The following RAPGEF6 variants were observed in gnomAD, a reference collection of about 807,000 sequenced individuals.
The protein encoded by RAPGEF6 is Rap guanine nucleotide exchange factor 6, also known as PDZ domain containing guanine nucleotide exchange factor (GEF) 2.
In RAPGEF6, 56 loss-of-function variants were observed where a neutral mutation model predicts 171.4. The observed-to-expected ratio is 0.33, with a 90% CI of 0.26 to 0.41. The LOEUF is 0.41. Ranked by LOEUF, RAPGEF6 falls within the 10% of genes least tolerant of loss-of-function variation. The probability of loss-of-function intolerance (pLI) is 1.00; values close to 1 mark genes in which losing one functional copy is unlikely to be tolerated. For missense variants in RAPGEF6, 1,674 were observed against 1,921.4 expected (o/e 0.87, Z 2.41); for synonymous variants, 692 against 650.1 (o/e 1.06, Z -0.98).
intron 7 of RAPGEF6, among the ~76,000 whole-genome samples, chr5:131,514,050 C>T (rs1191952032): frequency 6.6e-6 from 1 of 151,974 alleles, no homozygotes; most frequent in Non-Finnish European, 1.5e-5. Context: ...CAAAACCCCC[C>T]AAAAACCACA....
chr5:131,531,652 T>TTTGTAAAATAGCACAATTCAA (rs1402092237), intron 6 of RAPGEF6, among the ~76,000 whole-genome samples: 2 of 152,210 alleles, frequency 1.3e-5, no homozygotes, highest in African/African-American at 2.4e-5. Flanking sequence ...TCAACTAATC[T>TTTGTAAAATAGCACAATTCAA]TTGTAAAATA....
chr5:131,564,789 G>A (rs752936782), intron 4 of RAPGEF6, among the ~76,000 whole-genome samples: 2 of 152,084 alleles, frequency 1.3e-5, no homozygotes, highest in Non-Finnish European at 2.9e-5. Flanking sequence ...CGATAAATAC[G>A]AACACAACAG....
chr5:131,435,729 T>C, intron 24 of RAPGEF6: 1 of 855,646 alleles, frequency 1.2e-6, no homozygotes. Context: ...CAGATCCAGC[T>C]AACAGTAGGA....
chr5:131,621,417 G>A (rs1765585695), intron 1 of RAPGEF6, among the ~76,000 whole-genome samples: 1 of 151,826 alleles, frequency 6.6e-6, no homozygotes, highest in East Asian at 1.9e-4. Flanking sequence ...AGCCTCCTGA[G>A]TAGCTGGCAT....
chr5:131,429,211 A>T lies in RAPGEF6; in HGVS notation c.4471T>A (p.Cys1491Ser), dbSNP rs752837398. 1.0e-4 allele frequency: 163 copies of T among 1,579,026 alleles called. No homozygotes were observed. The highest frequency in any genetic ancestry group is 3.2e-4 in the South Asian group (28 of 87,120). ...SSTEKGLIVY[C>S]VTSPKKDDRY... The stretch of plus-strand genomic sequence containing the variant: ...TCGTCCTTCTTGGGTGAGGTGACAC[A>T]GTACACTGGCATGAAAAATAAGCAA... Residue 1491 changes from cysteine (C) to serine (S), a missense_variant, in exon 27 of 28, where the codon TGT becomes AGT. Coordinates refer to ENST00000509018, the MANE Select transcript of RAPGEF6 (RefSeq NM_016340.6).
At chr5:131,623,135 T>C (rs886386476) in intron 1 of RAPGEF6, among the ~76,000 whole-genome samples, 3 of 152,216 alleles carry the variant, frequency 2.0e-5, no homozygotes, top group South Asian at 4.1e-4. Flanking sequence ...GCATGAAAAT[T>C]TGCCCAGACG....
chr5:131,492,324 C>A (rs188341982), intron 14 of RAPGEF6, among the ~76,000 whole-genome samples: 1 of 152,220 alleles, frequency 6.6e-6, no homozygotes, highest in East Asian at 1.9e-4. Context: ...GATAGGCAGG[C>A]CCATTCAAAG....
chr5:131,502,237 G>A (rs1757070792), intron 11 of RAPGEF6, among the ~76,000 whole-genome samples: 1 of 152,180 alleles, frequency 6.6e-6, no homozygotes, highest in African/African-American at 2.4e-5. Context: ...ATAAATGCAT[G>A]AGAAATTATT....
intron 17 of RAPGEF6, chr5:131,472,228 C>T (rs569661475): frequency 4.1e-4 from 135 of 326,938 alleles, no homozygotes; most frequent in Non-Finnish European, 9.1e-5. Flanking sequence ...CCCACCATCA[C>T]GTCTGGCTAA....
Position 131,492,779 on chromosome 5 carries a change from T to C in RAPGEF6, c.1534A>G (p.Asn512Asp). The C allele has an allele frequency of 6.2e-7, 1 of 1,611,522 alleles. No individual in the cohort carries two copies. Among genetic ancestry groups the C allele is most frequent in the East Asian group, 2.2e-5 (1 of 44,874 alleles). ...FEKNLEDTKMNGHLRLLNIAC... is the reference protein window; with the variant it reads ...FEKNLEDTKMDGHLRLLNIAC... ...ATATTCAATAACCGGAGATGACCAT[T>C]CATCTTCTGTTAAGCAGAAAAGGAT... Residue 512 changes from asparagine (N) to aspartate (D), a missense_variant, in exon 14 of 28, where the codon AAT (asparagine) becomes GAT (aspartate). Asn to Asp is a conservative substitution (Grantham distance 23). Around this residue, in one of 3 missense-constraint regions of RAPGEF6, gnomAD observed 1,116 missense variants for 1,321.5 expected, o/e 0.84. Coordinates refer to ENST00000509018, the MANE Select transcript of RAPGEF6 (RefSeq NM_016340.6).
chr5:131,437,561 G>C (rs1752092495), intron 24 of RAPGEF6, among the ~76,000 whole-genome samples: 1 of 152,320 alleles, frequency 6.6e-6, no homozygotes, highest in East Asian at 1.9e-4. Context: ...TCTGGTAAGG[G>C]GCGCATTGGA....
At position 131,476,206 on chromosome 5, in the gene RAPGEF6, A is replaced by C. The variant is rs571021505; in HGVS notation, c.2081+3307T>G. On this transcript the variant is annotated intron_variant, in intron 16 of 27. Coordinates refer to ENST00000509018, the MANE Select transcript of RAPGEF6 (RefSeq NM_016340.6). Reference sequence around the variant, plus strand: ...TAGGGTGCTCCAACTTTTAGTGTAGATAAAACAACTTGGAGCATCTATATA... The same window carrying C: ...TAGGGTGCTCCAACTTTTAGTGTAGCTAAAACAACTTGGAGCATCTATATA... 2.0e-5 allele frequency among the ~76,000 whole-genome samples: 3 copies of C among 152,322 alleles called. No homozygotes were observed. In the South Asian group the frequency reaches 6.2e-4, roughly 32 times the overall value.
At chr5:131,588,794 C>G (rs1319580469) in intron 4 of RAPGEF6, among the ~76,000 whole-genome samples, 1 of 151,500 alleles carries the variant, frequency 6.6e-6, no homozygotes, top group Non-Finnish European at 1.5e-5. Context: ...GGAAAACAGC[C>G]AGGCGAGGTG....
At chr5:131,473,478 AC>A (rs1213193172) in intron 16 of RAPGEF6, among the ~76,000 whole-genome samples, 1 of 152,304 alleles carries the variant, frequency 6.6e-6, no homozygotes, top group South Asian at 2.1e-4. Context: ...GGTTTTAGAT[AC>A]CCCCAAATTT....
chr5:131,443,031 G>C (rs1032772594), intron 22 of RAPGEF6, among the ~76,000 whole-genome samples: 4 of 151,642 alleles, frequency 2.6e-5, no homozygotes, highest in African/African-American at 9.7e-5. Context: ...TTGGCTCCCA[G>C]GTTCAAGTGT....
At chr5:131,469,209 C>T (rs1290511931) in intron 17 of RAPGEF6, among the ~76,000 whole-genome samples, 1 of 152,092 alleles carries the variant, frequency 6.6e-6, no homozygotes, top group Non-Finnish European at 1.5e-5. Context: ...GTGAAAGCAA[C>T]AGCAGACACA....
intron 6 of RAPGEF6, among the ~76,000 whole-genome samples, chr5:131,542,246 T>C (rs951618840): frequency 1.3e-5 from 2 of 152,244 alleles, no homozygotes; most frequent in East Asian, 3.8e-4. Flanking sequence ...GAATAAATAA[T>C]TTGTAAGCAA....
intron 2 of RAPGEF6, among the ~76,000 whole-genome samples, chr5:131,603,746 A>G (rs1473821853): frequency 6.6e-6 from 1 of 152,102 alleles, no homozygotes; most frequent in Admixed American, 6.5e-5. Flanking sequence ...GAGTATTACA[A>G]AATGCTAATT....
intron 4 of RAPGEF6, among the ~76,000 whole-genome samples, chr5:131,582,600 T>C (rs781244913): frequency 6.6e-6 from 1 of 152,138 alleles, no homozygotes; most frequent in Non-Finnish European, 1.5e-5. Flanking sequence ...ATGATAAACT[T>C]AACATCAAAA....
Sources: gnomAD v4.1 joint callset for allele counts (sites outside exome capture counted in the v4.1 genomes callset) on GRCh38, gnomAD v4.1.1 for gene constraint, gnomAD v4.1.1 regional missense constraint, MANE v1.5 for transcripts, NCBI Gene and HGNC (gene_info 2026-07-23, HGNC 2026-07-21) for gene names.